SLC5A1: variants seen among roughly 807,000 people sequenced by gnomAD.
The protein encoded by SLC5A1 is solute carrier family 5 member 1.
SLC5A1 carries 42 observed loss-of-function variants against 73.5 expected under a neutral mutation model. The observed-to-expected ratio is 0.57, with a 90% CI of 0.45 to 0.74. The LOEUF (loss-of-function observed/expected upper bound fraction) is 0.74. Ranked by LOEUF, SLC5A1 falls within the 30% of genes least tolerant of loss-of-function variation. The probability of loss-of-function intolerance (pLI) is 0.00; values close to 1 mark genes in which losing one functional copy is unlikely to be tolerated. For synonymous variants in SLC5A1, 300 were observed against 317.4 expected (o/e 0.95, Z 0.58); for missense variants, 634 against 855.4 (o/e 0.74, Z 3.23).
chr22:32,091,694 C>G lies in SLC5A1; in HGVS notation c.1212C>G (p.Leu404=). 1 of 1,614,070 alleles carries G rather than the reference C, an allele frequency of 6.2e-7. No homozygotes were observed. The highest frequency in any genetic ancestry group is 2.2e-5 in the East Asian group (1 of 44,884). ...LTSIFNSAST[L]FTMDIYAKVR... Reference sequence around the variant, plus strand: ...CCATCTTCAACAGCGCCAGCACCCTCTTCACCATGGACATCTACGCCAAGG... The same window carrying G: ...CCATCTTCAACAGCGCCAGCACCCTGTTCACCATGGACATCTACGCCAAGG... Residue 404 remains leucine, a synonymous_variant, in exon 11 of 15, where the codon CTC becomes CTG. Coordinates refer to ENST00000266088, the MANE Select transcript of SLC5A1 (RefSeq NM_000343.4).
At position 32,110,621 on chromosome 22, in the gene SLC5A1, TCCC is replaced by T. The variant is rs2094054999; in HGVS notation, c.*410_*412del. The T allele has an allele frequency of 3.6e-6, 1 of 280,194 alleles. No individual in the cohort carries two copies. The highest frequency in any genetic ancestry group is 3.8e-5 in the South Asian group (1 of 26,138). 17.4% of individuals were successfully genotyped at this position (280,194 alleles called of 1,614,324 possible). On this transcript the variant is annotated 3_prime_UTR_variant, in exon 15 of 15. Coordinates refer to ENST00000266088, the MANE Select transcript of SLC5A1 (RefSeq NM_000343.4). ...CTGCCACTTTTCCTGTCCGTCCTCC[TCCC>T]CATTTTTTTTTTAAAAGAAAGCTGT...
chr22:32,049,154 TTATATATAATC>T (rs1156324940), intron 1 of SLC5A1, among the ~76,000 whole-genome samples: 1 of 130,282 alleles, frequency 7.7e-6, no homozygotes, highest in African/African-American at 2.6e-5. Flanking sequence ...ATAATCTATA[TTATATATAATC>T]TATATCTATA....
chr22:32,077,249 T>C (rs774950938), intron 5 of SLC5A1, among the ~76,000 whole-genome samples: 43 of 149,430 alleles, frequency 2.9e-4, no homozygotes, highest in Middle Eastern at 3.4e-3. Context: ...CCTCCCTTCC[T>C]TCACTCCCTC....
Position 32,085,680 on chromosome 22 carries a change from C to A in SLC5A1, c.1022-540C>A, listed in dbSNP as rs764154701. Among the ~76,000 whole-genome samples, 5 of 147,640 alleles carry A rather than the reference C, an allele frequency of 3.4e-5. No individual in the cohort carries two copies. The East Asian group carries it at 8.2e-4, about 24-fold the overall frequency. ...TCCACCCTGAATGTTTCTTTGATTT[C>A]TTTCCTCCGTTGCCTAGAAATTGTC... On this transcript the variant is annotated intron_variant, in intron 9 of 14. Coordinates refer to ENST00000266088, the MANE Select transcript of SLC5A1 (RefSeq NM_000343.4).
chr22:32,096,857 T>G (rs2094027074), intron 11 of SLC5A1, among the ~76,000 whole-genome samples: 2 of 152,184 alleles, frequency 1.3e-5, no homozygotes, highest in African/African-American at 4.8e-5. Context: ...CTCATAGGTC[T>G]CATTTTCAAG....
intron 2 of SLC5A1, among the ~76,000 whole-genome samples, chr22:32,062,409 T>C (rs1433788253): frequency 6.6e-6 from 1 of 152,244 alleles, no homozygotes. Context: ...CATTTTGTGA[T>C]GTGACATTAT....
At chr22:32,046,327 C>T (rs1003463088) in intron 1 of SLC5A1, among the ~76,000 whole-genome samples, 4 of 151,910 alleles carry the variant, frequency 2.6e-5, no homozygotes. Flanking sequence ...ACTATCATTG[C>T]ATTGTTGTGA....
At chr22:32,065,336 G>C (rs2093970982) in intron 2 of SLC5A1, among the ~76,000 whole-genome samples, 2 of 152,148 alleles carry the variant, frequency 1.3e-5, no homozygotes, top group African/African-American at 4.8e-5. Flanking sequence ...ACCTGTGTCA[G>C]GGGGTCTTTG....
intron 5 of SLC5A1, among the ~76,000 whole-genome samples, chr22:32,071,089 A>G (rs2093982182): frequency 6.6e-6 from 1 of 152,146 alleles, no homozygotes; most frequent in Non-Finnish European, 1.5e-5. Context: ...CCTTGCCTAG[A>G]TCACTGGGTG....
intron 5 of SLC5A1, among the ~76,000 whole-genome samples, chr22:32,070,900 G>A (rs144443010): frequency 6.6e-6 from 1 of 152,112 alleles, no homozygotes; most frequent in Non-Finnish European, 1.5e-5. Context: ...GAAAAGAAAA[G>A]AAAATGTAAA....
chr22:32,081,946 A>C lies in SLC5A1; in HGVS notation c.558A>C (p.Ala186=). 5.0e-6 allele frequency: 8 copies of C among 1,612,472 alleles called. No homozygotes were observed. The highest frequency in any genetic ancestry group is 6.8e-6 in the Non-Finnish European group (8 of 1,178,512). Residue 186 remains alanine, a synonymous_variant, in exon 6 of 15, where the codon GCA becomes GCC. Transcript: ENST00000266088. ...ATTTAGCCATCTTTCTCTTATTGGC[A>C]ATCACTGCCCTTTACACAATTACAG... ...NLYLAIFLLL[A]ITALYTITGG...
chr22:32,066,850 C>G, intron 2 of SLC5A1, 85 bp from the exon 3 acceptor site: 1 of 925,730 alleles, frequency 1.1e-6, no homozygotes, highest in Non-Finnish European at 1.8e-6. Context: ...CTTCTCTTGG[C>G]TGACATGTCT....
intron 6 of SLC5A1, 21 bp from the exon 7 acceptor site, chr22:32,083,053 G>A: frequency 1.2e-6 from 2 of 1,612,294 alleles, no homozygotes; most frequent in Non-Finnish European, 1.7e-6. Flanking sequence ...GGTCAGATGT[G>A]TTGTCTTCTT....
At chr22:32,103,326 G>C (rs1275421604) in intron 13 of SLC5A1, among the ~76,000 whole-genome samples, 2 of 152,154 alleles carry the variant, frequency 1.3e-5, no homozygotes, top group Non-Finnish European at 2.9e-5. Context: ...TAGTGATGTT[G>C]ACATGCCACA....
chr22:32,089,714 T>C (rs573921436), intron 10 of SLC5A1, among the ~76,000 whole-genome samples: 1 of 152,210 alleles, frequency 6.6e-6, no homozygotes, highest in Non-Finnish European at 1.5e-5. Flanking sequence ...GGAGATTTCC[T>C]GTTGCTATAG....
chr22:32,068,661 A>G (rs1176084090), intron 5 of SLC5A1, 61 bp downstream of exon 5: 28 of 1,139,758 alleles, frequency 2.5e-5, no homozygotes, highest in Admixed American at 1.2e-4. Context: ...ATTCCTCATC[A>G]CATGCTGCCC....
At position 32,110,394 on chromosome 22, in the gene SLC5A1, T is replaced by C. The variant is rs200152053; in HGVS notation, c.*181T>C. 4.6e-6 allele frequency: 3 copies of C among 655,216 alleles called. No homozygotes were observed. Among genetic ancestry groups the C allele is most frequent in the African/African-American group, 1.8e-5 (1 of 56,410 alleles). The allele number at this position is 655,216 out of a possible 1,614,324, so 40.6% of individuals were successfully genotyped here. ...ATTAGTTTGCTGTTAATTTATGCATTTGAAGCCAGTGTGATACAGCCATCT... is the reference window on the plus strand; with the variant it reads ...ATTAGTTTGCTGTTAATTTATGCATCTGAAGCCAGTGTGATACAGCCATCT... On this transcript the variant is annotated 3_prime_UTR_variant, in exon 15 of 15. Coordinates refer to ENST00000266088, the MANE Select transcript of SLC5A1 (RefSeq NM_000343.4).
chr22:32,100,300 T>A (rs903808379), intron 12 of SLC5A1, among the ~76,000 whole-genome samples: 1 of 152,226 alleles, frequency 6.6e-6, no homozygotes, highest in Non-Finnish European at 1.5e-5. Flanking sequence ...CCAATTTGAC[T>A]TCTTCTTTTC....
rs201398293 is a variant in SLC5A1, at chr22:32,068,483, G to A, written c.373-13G>A. ...ACTGTGGCTGGCAGTGACCTCCCTC[G>A]CACCCCATGCAGGTGGTGACAATGC... is the stretch of plus-strand genomic sequence containing the variant. On this transcript the variant is annotated splice_polypyrimidine_tract_variant and intron_variant, in intron 4 of 14. Transcript: ENST00000266088. The A allele has an allele frequency of 3.7e-4, 584 of 1,581,100 alleles. 12 individuals carry two copies. The South Asian group carries it at 6.2e-3, about 17-fold the overall frequency.
Sources: allele counts gnomAD v4.1 joint callset (sites outside exome capture counted in the v4.1 genomes callset), GRCh38; gene constraint gnomAD v4.1.1; transcripts MANE v1.5; gene names NCBI Gene and HGNC (gene_info 2026-07-23, HGNC 2026-07-21).